SRGAP3: variants seen among roughly 807,000 people sequenced by gnomAD.
SRGAP3 encodes SLIT-ROBO Rho GTPase activating protein 3.
Under a neutral mutation model 121.1 loss-of-function variants are expected in SRGAP3, and 39 were observed. The ratio of observed to expected loss-of-function variants is 0.32; its 90% confidence interval spans 0.25 to 0.42. SRGAP3 has a LOEUF of 0.42. Among genes scored for constraint, SRGAP3 ranks in the 10% least tolerant of loss-of-function variants. The probability of loss-of-function intolerance (pLI) is 1.00; values close to 1 mark genes in which losing one functional copy is unlikely to be tolerated. For missense variants in SRGAP3, 1,213 were observed against 1,470.6 expected, an observed-to-expected ratio of 0.82 and a Z score of 2.86; for synonymous variants, 601 against 570.0, an observed-to-expected ratio of 1.05 and a Z score of -0.77.
chr3:9,259,052 C>A (rs1954196162), intron 3 of SRGAP3, among the ~76,000 whole-genome samples: 1 of 152,206 alleles, frequency 6.6e-6, no homozygotes, highest in Non-Finnish European at 1.5e-5. Context: ...CCTCTTGCTC[C>A]CTACTCCGGG....
At chr3:9,275,689 T>C (rs1954560070) in intron 3 of SRGAP3, among the ~76,000 whole-genome samples, 1 of 152,220 alleles carries the variant, frequency 6.6e-6, no homozygotes, top group African/African-American at 2.4e-5. Context: ...TCTTACCTGC[T>C]GCCATGTAAG....
intron 3 of SRGAP3, among the ~76,000 whole-genome samples, chr3:9,283,334 A>G (rs370435872): frequency 9.2e-5 from 14 of 152,320 alleles, no homozygotes; most frequent in African/African-American, 3.4e-4. Context: ...TTGGCCTATC[A>G]TGTACTTTGA....
At chr3:9,048,422 C>T (rs997772441) in intron 9 of SRGAP3, among the ~76,000 whole-genome samples, 4 of 152,200 alleles carry the variant, frequency 2.6e-5, no homozygotes, top group Admixed American at 2.6e-4. Context: ...TCACTGGATC[C>T]CTCCCTCTTG....
At chr3:9,202,408 A>G (rs1480165164) in intron 1 of SRGAP3, among the ~76,000 whole-genome samples, 2 of 152,140 alleles carry the variant, frequency 1.3e-5, no homozygotes, top group Non-Finnish European at 2.9e-5. Context: ...GCTTTCCATG[A>G]AGCTAAGCCT....
chr3:9,214,336 T>G (rs1354264805), intron 1 of SRGAP3, among the ~76,000 whole-genome samples: 2 of 152,200 alleles, frequency 1.3e-5, no homozygotes, highest in Non-Finnish European at 2.9e-5. Context: ...GCAGGTAGCA[T>G]AACCCTTATT....
chr3:9,316,168 C>A (rs1413817981), intron 3 of SRGAP3, among the ~76,000 whole-genome samples: 1 of 152,078 alleles, frequency 6.6e-6, no homozygotes, highest in Admixed American at 6.5e-5. Flanking sequence ...TATGCCTCAG[C>A]CATCCAAGTT....
chr3:9,289,191 G>A (rs1954832473), intron 3 of SRGAP3, among the ~76,000 whole-genome samples: 1 of 152,208 alleles, frequency 6.6e-6, no homozygotes. Flanking sequence ...GAGCCAGCAT[G>A]CCTGGCCTAG....
intron 3 of SRGAP3, among the ~76,000 whole-genome samples, chr3:9,272,339 C>T (rs1954492987): frequency 1.3e-5 from 2 of 152,328 alleles, no homozygotes; most frequent in East Asian, 3.9e-4. Context: ...GTGCAGCCAG[C>T]ACCACCATCC....
chr3:9,189,668 T>C (rs1165993651), intron 1 of SRGAP3, among the ~76,000 whole-genome samples: 5 of 152,196 alleles, frequency 3.3e-5, no homozygotes, highest in Admixed American at 2.0e-4. Flanking sequence ...ATATTCAGAA[T>C]AGTCTGAGAG....
chr3:9,041,358 T>G (rs1945003830), intron 10 of SRGAP3, among the ~76,000 whole-genome samples: 1 of 152,256 alleles, frequency 6.6e-6, no homozygotes, highest in African/African-American at 2.4e-5. Flanking sequence ...AGGCAGCATT[T>G]GGCTTCTTAT....
At chr3:9,050,021 G>A (rs1299324344) in intron 9 of SRGAP3, among the ~76,000 whole-genome samples, 1 of 152,134 alleles carries the variant, frequency 6.6e-6, no homozygotes, top group Non-Finnish European at 1.5e-5. Flanking sequence ...TGTATTTCTT[G>A]TAGAGATGGG....
intron 3 of SRGAP3, among the ~76,000 whole-genome samples, chr3:9,288,199 G>A (rs1346457946): frequency 2.1e-5 from 3 of 143,620 alleles, no homozygotes; most frequent in Admixed American, 1.5e-4. Context: ...GTGCAATAGC[G>A]CAGCCTCGGC....
chr3:9,169,461 A>G (rs1950900324), intron 1 of SRGAP3, among the ~76,000 whole-genome samples: 2 of 152,196 alleles, frequency 1.3e-5, no homozygotes, highest in South Asian at 4.1e-4. Context: ...GAGGAAGACT[A>G]TTCAAGGCTT....
At chr3:9,337,496 T>G (rs1247930966) in intron 1 of SRGAP3, 1 of 152,154 alleles carries the variant, frequency 6.6e-6, no homozygotes, top group Non-Finnish European at 1.5e-5. Context: ...GAATCCCTCA[T>G]GAATAGATTA....
chr3:9,168,350 G>C (rs1479128691), intron 1 of SRGAP3, among the ~76,000 whole-genome samples: 1 of 152,212 alleles, frequency 6.6e-6, no homozygotes, highest in Non-Finnish European at 1.5e-5. Context: ...CTCCAAGTGT[G>C]CTCAGAAGTC....
At chr3:9,044,005 C>T in intron 10 of SRGAP3, among the ~76,000 whole-genome samples, 1 of 152,278 alleles carries the variant, frequency 6.6e-6, no homozygotes, top group African/African-American at 2.4e-5. Flanking sequence ...AATGGCATAG[C>T]AACAGCCAAG....
rs5846624 is a variant in SRGAP3 at position 9,127,166 on chromosome 3, TAA to T, written c.68-2251_68-2250del. Among the ~76,000 whole-genome samples, 189 of 146,882 alleles carry T rather than the reference TAA, an allele frequency of 1.3e-3. 5 individuals are homozygous for T. In the East Asian group the frequency reaches 0.028, roughly 22 times the overall value. The stretch of plus-strand genomic sequence containing the variant: ...GGGAGACCTCGTCTCCATAAAAACT[TAA>T]AAAAAAAAAAAGTTTTAAATTAGCC... On this transcript the variant is annotated intron_variant, in intron 1 of 21. Coordinates refer to ENST00000383836, the MANE Select transcript of SRGAP3 (RefSeq NM_014850.4).
intron 3 of SRGAP3, among the ~76,000 whole-genome samples, chr3:9,299,277 C>T (rs1409884512): frequency 2.0e-5 from 3 of 148,634 alleles, no homozygotes; most frequent in Admixed American, 6.8e-5. Flanking sequence ...AGGAGAATTG[C>T]TTGAACTCGA....
chr3:9,044,315 A>G (rs1945153544), intron 10 of SRGAP3, among the ~76,000 whole-genome samples: 1 of 152,170 alleles, frequency 6.6e-6, no homozygotes, highest in African/African-American at 2.4e-5. Flanking sequence ...TGTTTTTTCA[A>G]TCTGATAACC....
Sources: allele counts gnomAD v4.1 joint callset (sites outside exome capture counted in the v4.1 genomes callset), GRCh38; gene constraint gnomAD v4.1.1; transcripts MANE v1.5; gene names NCBI Gene and HGNC (gene_info 2026-07-23, HGNC 2026-07-21).